The following EMC2 variants were observed in gnomAD, a reference collection of about 807,000 sequenced individuals.
EMC2 encodes ER membrane protein complex subunit 2.
A neutral mutation model predicts 51.6 loss-of-function variants in EMC2; 37 were observed. The ratio of observed to expected loss-of-function variants is 0.72; its 90% CI spans 0.55 to 0.94. The LOEUF is 0.94. Among genes scored for constraint, EMC2 ranks in the 40% least tolerant of loss-of-function variants. The probability of loss-of-function intolerance (pLI) is 0.00; values close to 1 mark genes in which losing one functional copy is unlikely to be tolerated. For missense variants in EMC2, 359 were observed against 350.9 expected (o/e 1.02, Z -0.18); for synonymous variants, 131 against 112.4 (o/e 1.17, Z -1.04).
chr8:108,444,044 G>A (rs1046561189), intron 1 of EMC2, among the ~76,000 whole-genome samples: 3 of 152,216 alleles, frequency 2.0e-5, no homozygotes, highest in African/African-American at 7.2e-5. Context: ...GGAATAGGTG[G>A]TTACTGAAGC....
intron 5 of EMC2, among the ~76,000 whole-genome samples, chr8:108,468,890 G>GC (rs1238293277): frequency 3.9e-5 from 6 of 152,046 alleles, no homozygotes; most frequent in African/African-American, 1.2e-4. Context: ...CTAGGCCTTT[G>GC]CTCATGTGTT....
At chr8:108,448,132 C>G (rs565842221) in intron 1 of EMC2, among the ~76,000 whole-genome samples, 1 of 152,108 alleles carries the variant, frequency 6.6e-6, no homozygotes, top group Admixed American at 6.5e-5. Flanking sequence ...AACTTAAAAA[C>G]AAAAATATCC....
At chr8:108,458,171 C>G (rs1407150723) in intron 5 of EMC2, among the ~76,000 whole-genome samples, 1 of 152,240 alleles carries the variant, frequency 6.6e-6, no homozygotes, top group Admixed American at 6.5e-5. Flanking sequence ...TGGTCTTGGG[C>G]AGCTCCGCCC....
At chr8:108,472,629 T>C (rs1280135999) in intron 7 of EMC2, among the ~76,000 whole-genome samples, 1 of 151,852 alleles carries the variant, frequency 6.6e-6, no homozygotes, top group African/African-American at 2.4e-5. Flanking sequence ...CTGTGAAAAT[T>C]ACAATCAGTT....
At chr8:108,478,099 T>C (rs557652605) in intron 9 of EMC2, among the ~76,000 whole-genome samples, 15 of 152,032 alleles carry the variant, frequency 9.9e-5, no homozygotes, top group South Asian at 2.1e-4. Context: ...TTTGGGGATA[T>C]AGATTCTTCA....
At chr8:108,486,489 T>TTTC in intron 10 of EMC2, 23 bp from the exon 11 acceptor site, 1 of 976,874 alleles carries the variant, frequency 1.0e-6, no homozygotes, top group Non-Finnish European at 1.3e-6. Context: ...CTAATTGAGC[T>TTTC]TTTTTTTTTT....
intron 10 of EMC2, among the ~76,000 whole-genome samples, chr8:108,480,078 A>G (rs1811019482): frequency 6.6e-6 from 1 of 152,164 alleles, no homozygotes. Context: ...TCCCAAATAC[A>G]CAGTACACCC....
At chr8:108,447,692 C>T (rs1818911461) in intron 1 of EMC2, among the ~76,000 whole-genome samples, 1 of 152,152 alleles carries the variant, frequency 6.6e-6, no homozygotes, top group Non-Finnish European at 1.5e-5. Flanking sequence ...CATAGCGACT[C>T]TCTTAACCTT....
At chr8:108,459,766 C>G (rs967737877) in intron 5 of EMC2, among the ~76,000 whole-genome samples, 12 of 148,536 alleles carry the variant, frequency 8.1e-5, no homozygotes, top group African/African-American at 2.3e-4. Context: ...TTGTTTTGTT[C>G]TAGATAGCTG....
chr8:108,486,685 A>C lies in EMC2; in HGVS notation c.*87A>C. On this transcript the variant is annotated 3_prime_UTR_variant, in exon 11 of 11. Coordinates refer to ENST00000220853, the MANE Select transcript of EMC2 (RefSeq NM_014673.5). The stretch of plus-strand genomic sequence containing the variant: ...ACTTATTTACTAAATGCTCAGTGCT[A>C]TTTATATACTACAGTAATTTTCTGT... 7.7e-7 allele frequency: 1 copy of C among 1,298,846 alleles called. No individual in the cohort carries two copies. The highest frequency in any genetic ancestry group is 2.0e-4 in the Middle Eastern group (1 of 4,970). 80.5% of individuals were successfully genotyped at this position (1,298,846 alleles called of 1,614,324 possible). A position where few individuals can be genotyped will look rare whatever the true frequency, so the allele number is the denominator to read the frequency against.
At chr8:108,463,598 A>C (rs139530738) in intron 5 of EMC2, among the ~76,000 whole-genome samples, 3 of 152,262 alleles carry the variant, frequency 2.0e-5, no homozygotes, top group African/African-American at 4.8e-5. Context: ...TTTTGTCCTG[A>C]ATTGTGAACT....
At chr8:108,443,883 G>C (rs1375571275) in intron 1 of EMC2, among the ~76,000 whole-genome samples, 185 bp downstream of exon 1, 1 of 152,186 alleles carries the variant, frequency 6.6e-6, no homozygotes, top group Non-Finnish European at 1.5e-5. Flanking sequence ...GTACTCTGCA[G>C]CGTTTCCCAC....
intron 5 of EMC2, among the ~76,000 whole-genome samples, chr8:108,464,478 A>G (rs546824011): frequency 6.6e-6 from 1 of 152,234 alleles, no homozygotes; most frequent in South Asian, 2.1e-4. Context: ...GGTGGGGATG[A>G]TGTCTGGGCC....
chr8:108,448,891 T>C (rs1292803253), intron 1 of EMC2, among the ~76,000 whole-genome samples: 1 of 152,154 alleles, frequency 6.6e-6, no homozygotes, highest in Non-Finnish European at 1.5e-5. Context: ...CAGACAGCCA[T>C]GATTGTGTTG....
At chr8:108,483,734 A>G (rs988448896) in intron 10 of EMC2, among the ~76,000 whole-genome samples, 14 of 152,132 alleles carry the variant, frequency 9.2e-5, no homozygotes, top group Non-Finnish European at 2.9e-5. Context: ...GAGTTTTCTT[A>G]TAGATCTTAC....
chr8:108,452,361 G>T (rs965313786), intron 3 of EMC2, among the ~76,000 whole-genome samples: 1 of 152,168 alleles, frequency 6.6e-6, no homozygotes, highest in African/African-American at 2.4e-5. Context: ...GAGGTCAGGA[G>T]TTCGCGACCA....
chr8:108,487,721 A>G lies in EMC2; in HGVS notation c.*1123A>G, dbSNP rs1811168877. ...ACAAGTGGGGATTGTGGAGGAATTGACAATCTAGAAGTGTTTAGAAAGAAA... is the reference window on the plus strand; with the variant it reads ...ACAAGTGGGGATTGTGGAGGAATTGGCAATCTAGAAGTGTTTAGAAAGAAA... On this transcript the variant is annotated 3_prime_UTR_variant, in exon 11 of 11. Transcript: ENST00000220853. 1.3e-5 allele frequency among the ~76,000 whole-genome samples: 2 copies of G among 152,150 alleles called. No individual in the cohort carries two copies. Among genetic ancestry groups the G allele is most frequent in the Admixed American group, 1.3e-4 (2 of 15,264 alleles).
chr8:108,487,242 A>G lies in EMC2; in HGVS notation c.*644A>G, dbSNP rs1355339262. On this transcript the variant is annotated 3_prime_UTR_variant, in exon 11 of 11. Transcript: ENST00000220853. The stretch of plus-strand genomic sequence containing the variant: ...AGATTTTTACATATAAAATGCCTTA[A>G]GATAAATATGTGTTACGACACTTTA... Among the ~76,000 whole-genome samples, 3 of 152,218 alleles carry G rather than the reference A, an allele frequency of 2.0e-5. No individual in the cohort carries two copies. Among genetic ancestry groups the G allele is most frequent in the Non-Finnish European group, 4.4e-5 (3 of 67,968 alleles).
intron 3 of EMC2, among the ~76,000 whole-genome samples, chr8:108,452,521 C>T (rs1349169021): frequency 2.0e-5 from 3 of 151,940 alleles, no homozygotes; most frequent in Non-Finnish European, 4.4e-5. Flanking sequence ...GAGCCAGGAT[C>T]GTGCCACTGC....
Sources: allele counts gnomAD v4.1 joint callset (sites outside exome capture counted in the v4.1 genomes callset), GRCh38; gene constraint gnomAD v4.1.1; transcripts MANE v1.5; gene names NCBI Gene and HGNC (gene_info 2026-07-23, HGNC 2026-07-21).